Variants in ZNF81 observed in about 807,000 individuals in gnomAD.
The protein encoded by ZNF81 is zinc finger protein 81 (HFZ20).
ZNF81 carries 5 observed loss-of-function variants against 32.3 expected under a neutral mutation model. That is an observed-to-expected ratio of 0.15 (90% CI 0.08 to 0.33). ZNF81 has a LOEUF of 0.33. Ranked by LOEUF, ZNF81 falls within the 10% of genes least tolerant of loss-of-function variation. ZNF81 has a pLI of 1.00. For synonymous variants in ZNF81, 163 were observed against 166.8 expected, an observed-to-expected ratio of 0.98 and a Z score of 0.17; for missense variants, 379 against 479.8, an observed-to-expected ratio of 0.79 and a Z score of 1.96.
At position 47,888,074 on chromosome X, in the gene ZNF81, C is replaced by T. The variant is rs782012314; in HGVS notation, c.130C>T (p.Arg44Cys). ...EWQQLDSTQR[R>C]LYQDVMLENY... ...GCAGCAACTGGACTCTACTCAAAGA[C>T]GCCTGTACCAGGATGTAATGTTGGA... The change falls in exon 3 of 5, where the codon CGC (arginine) becomes TGC (cysteine). Residue 44 changes from arginine to cysteine, a missense_variant. Arg to Cys is a radical substitution (Grantham distance 180). Transcript: ENST00000338637. The T allele has an allele frequency of 9.1e-6, 11 of 1,210,377 alleles. No homozygotes were observed. Among genetic ancestry groups the T allele is most frequent in the East Asian group, 3.0e-5 (1 of 33,794 alleles).
intron 2 of ZNF81, among the ~76,000 whole-genome samples, chrX:47,878,389 A>G (rs56116672): frequency 8.0e-5 from 9 of 112,090 alleles, no homozygotes; most frequent in Non-Finnish European, 1.5e-4. Flanking sequence ...AAGTCTTCCC[A>G]TTTACTTTCA....
intron 2 of ZNF81, among the ~76,000 whole-genome samples, chrX:47,864,321 C>A (rs782546516): frequency 8.9e-6 from 1 of 111,900 alleles, no homozygotes; most frequent in East Asian, 2.8e-4. Context: ...AAAAGGTACA[C>A]CATTTTCAGG....
intron 2 of ZNF81, among the ~76,000 whole-genome samples, chrX:47,869,510 G>A (rs2058572286): frequency 8.9e-6 from 1 of 111,810 alleles, no homozygotes; most frequent in Admixed American, 9.5e-5. Context: ...AAGAACAGGA[G>A]AGCAAGGCAG....
At chrX:47,903,154 C>T (rs1453154044) in intron 4 of ZNF81, among the ~76,000 whole-genome samples, 1 of 110,245 alleles carries the variant, frequency 9.1e-6, no homozygotes, top group Non-Finnish European at 1.9e-5. Context: ...TGGCACAAGA[C>T]AGGGATGCCC....
intron 2 of ZNF81, among the ~76,000 whole-genome samples, chrX:47,862,882 A>C (rs2058546753): frequency 9.0e-6 from 1 of 111,579 alleles, no homozygotes; most frequent in Non-Finnish European, 1.9e-5. Context: ...GGGAAGTCCT[A>C]GTCAGCTGAA....
At chrX:47,887,473 T>C (rs1207929615) in intron 2 of ZNF81, among the ~76,000 whole-genome samples, 1 of 111,629 alleles carries the variant, frequency 9.0e-6, no homozygotes, top group African/African-American at 3.3e-5. Context: ...TATATATTCT[T>C]TTCAGGGAGA....
At chrX:47,891,414 C>A (rs2058661819) in intron 3 of ZNF81, among the ~76,000 whole-genome samples, 1 of 112,218 alleles carries the variant, frequency 8.9e-6, no homozygotes, top group African/African-American at 3.2e-5. Context: ...TCCCTGCATC[C>A]CTCATATCCC....
chrX:47,916,607 G>A lies in ZNF81; in HGVS notation c.1961G>A (p.Ser654Asn), dbSNP rs1556890962. 4 of 1,203,093 alleles carry A rather than the reference G, an allele frequency of 3.3e-6. No individual in the cohort carries two copies. The highest frequency in any genetic ancestry group is 1.1e-6 in the Non-Finnish European group (1 of 892,377). ...GGGTTCACCCAGAAATCAGTTCTCA[G>A]TATGCATCGCAATATTCATACATGA... ...GKGFTQKSVL[S>N]MHRNIHT The change falls in exon 5 of 5, where the codon AGT becomes AAT. Residue 654 changes from serine (S) to asparagine (N), a missense_variant. By Grantham distance (46) the Ser-to-Asn change is conservative (BLOSUM62 1). Coordinates refer to ENST00000338637, the MANE Select transcript of ZNF81 (RefSeq NM_007137.5).
chrX:47,839,491 C>A (rs1459881128), intron 1 of ZNF81, among the ~76,000 whole-genome samples: 1 of 111,633 alleles, frequency 9.0e-6, no homozygotes, highest in African/African-American at 3.3e-5. Flanking sequence ...TTGTTTCATG[C>A]ACAAAATTAT....
intron 3 of ZNF81, among the ~76,000 whole-genome samples, chrX:47,893,918 G>A (rs921699171): frequency 9.0e-6 from 1 of 111,729 alleles, no homozygotes; most frequent in South Asian, 3.7e-4. Flanking sequence ...CAAAGGCTTC[G>A]AAGGTGCATA....
chrX:47,897,284 T>C (rs1556887368), intron 4 of ZNF81, among the ~76,000 whole-genome samples: 1 of 112,582 alleles, frequency 8.9e-6, no homozygotes, highest in Non-Finnish European at 1.9e-5. Flanking sequence ...GATATTATAA[T>C]TTAAAGTTGC....
chrX:47,848,500 C>T (rs897807851), intron 2 of ZNF81, among the ~76,000 whole-genome samples: 2 of 111,122 alleles, frequency 1.8e-5, no homozygotes, highest in African/African-American at 6.5e-5. Context: ...AGAATATTCC[C>T]GTGCTATTTT....
rs891788247 is a variant in ZNF81, at chrX:47,917,416, A to G, written c.*784A>G. 1 of 293,912 alleles carries G rather than the reference A, an allele frequency of 3.4e-6. No individual in the cohort carries two copies. Among genetic ancestry groups the G allele is most frequent in the Non-Finnish European group, 6.0e-6 (1 of 167,914 alleles). The allele number at this position is 293,912 out of a possible 1,213,427, so 24.2% of individuals were successfully genotyped here. A position where few individuals can be genotyped will look rare whatever the true frequency, so the allele number is the denominator to read the frequency against. On this transcript the variant is annotated 3_prime_UTR_variant, in exon 5 of 5. Coordinates refer to ENST00000338637, the MANE Select transcript of ZNF81 (RefSeq NM_007137.5). ...CCCAAGTAGCGTCTCTTTGTCTACT[A>G]CTTGACTTTGAACTTGGCCACGTGA...
At chrX:47,871,699 C>T (rs72616733) in intron 2 of ZNF81, among the ~76,000 whole-genome samples, 2 of 111,438 alleles carry the variant, frequency 1.8e-5, no homozygotes, top group East Asian at 5.6e-4. Context: ...GATAGTGCAC[C>T]GATAAATGCT....
At chrX:47,896,059 G>A in intron 4 of ZNF81, 119 bp downstream of exon 4, 1 of 540,714 alleles carries the variant, frequency 1.8e-6, no homozygotes, top group Non-Finnish European at 3.1e-6. Context: ...TAAATTGCTT[G>A]AGGATAGGTA....
intron 2 of ZNF81, among the ~76,000 whole-genome samples, chrX:47,859,676 G>C (rs1556882317): frequency 8.9e-6 from 1 of 111,928 alleles, no homozygotes; most frequent in Non-Finnish European, 1.9e-5. Context: ...ATGTTAGCCT[G>C]CGACAGTGTC....
chrX:47,884,742 C>A (rs1198011669), intron 2 of ZNF81, among the ~76,000 whole-genome samples: 3 of 111,545 alleles, frequency 2.7e-5, no homozygotes, highest in Non-Finnish European at 5.6e-5. Context: ...TCAGAGAGAT[C>A]TATGGGTGTA....
chrX:47,874,564 A>G (rs1459310390), intron 2 of ZNF81, among the ~76,000 whole-genome samples: 4 of 112,402 alleles, frequency 3.6e-5, no homozygotes, highest in Admixed American at 2.8e-4. Context: ...TTGAAGGCAT[A>G]TAGATTCTTA....
At chrX:47,865,816 A>G (rs2058557946) in intron 2 of ZNF81, among the ~76,000 whole-genome samples, 1 of 111,886 alleles carries the variant, frequency 8.9e-6, no homozygotes, top group South Asian at 3.8e-4. Flanking sequence ...GAATCCACCC[A>G]GAGGTCCCAG....
Sources: gnomAD v4.1 joint callset for allele counts (sites outside exome capture counted in the v4.1 genomes callset) on GRCh38, gnomAD v4.1.1 for gene constraint, MANE v1.5 for transcripts, NCBI Gene and HGNC (gene_info 2026-07-23, HGNC 2026-07-21) for gene names.